The following UGT3A2 variants were observed in gnomAD, a reference collection of about 807,000 sequenced individuals.
UGT3A2 encodes the protein UDP glycosyltransferase family 3 member A2, also known as UDP-glycosyltransferase 3A2.
Under a neutral mutation model 39.8 loss-of-function variants are expected in UGT3A2, and 32 were observed. The observed-to-expected ratio is 0.80, with a 90% CI of 0.61 to 1.08. The LOEUF is 1.08. UGT3A2 is among the 50% of genes least tolerant of loss of function. The probability of loss-of-function intolerance (pLI) is 0.00; values close to 1 mark genes in which losing one functional copy is unlikely to be tolerated. For synonymous variants in UGT3A2, 241 were observed against 230.7 expected, an observed-to-expected ratio of 1.04 and a Z score of -0.40; for missense variants, 611 against 637.1, an observed-to-expected ratio of 0.96 and a Z score of 0.44.
intron 2 of UGT3A2, among the ~76,000 whole-genome samples, chr5:36,053,304 C>G (rs1742406293): frequency 6.6e-6 from 1 of 152,186 alleles, no homozygotes; most frequent in African/African-American, 2.4e-5. Context: ...AAGACCTCTC[C>G]ATCCCCAATA....
Position 36,037,818 on chromosome 5 carries a change from T to C in UGT3A2, c.1274A>G (p.Lys425Arg). The change falls in exon 6 of 7, where the codon AAA becomes AGA. Residue 425 changes from lysine to arginine, a missense_variant. Physicochemically the swap from Lys to Arg is conservative, Grantham distance 26 (BLOSUM62 2). Coordinates refer to ENST00000282507, the MANE Select transcript of UGT3A2 (RefSeq NM_174914.4). ...ATACCTCTTGTCTTCCATGATTTGT[T>C]TCATCTTAAGAGCCAATGTCTCTGC... ...LKAETLALKM[K>R]QIMEDKRYKS... 6.2e-7 allele frequency: 1 copy of C among 1,614,236 alleles called. No individual in the cohort carries two copies. Among genetic ancestry groups the C allele is most frequent in the East Asian group, 2.2e-5 (1 of 44,880 alleles).
At chr5:36,057,126 C>A (rs1287262) in intron 2 of UGT3A2, among the ~76,000 whole-genome samples, 1 of 152,118 alleles carries the variant, frequency 6.6e-6, no homozygotes, top group Non-Finnish European at 1.5e-5. Flanking sequence ...TAGTACATGT[C>A]AGTATTAGAA....
chr5:36,054,851 G>A lies in UGT3A2; in HGVS notation c.197-2867C>T, dbSNP rs150816125. ...TGCTTCACCTTCAGAGTTTTCCTTC[G>A]TTTTTCATGAATCGTTGCATGTGGT... On this transcript the variant is annotated intron_variant, in intron 2 of 6. Transcript: ENST00000282507. Among the ~76,000 whole-genome samples the A allele has an allele frequency of 4.6e-5, 7 of 152,222 alleles. 1 individual carries two copies. The highest frequency in any genetic ancestry group is 9.6e-5 in the African/African-American group (4 of 41,534).
intron 2 of UGT3A2, among the ~76,000 whole-genome samples, chr5:36,060,790 G>C (rs187785329): frequency 2.0e-5 from 3 of 152,290 alleles, no homozygotes; most frequent in Admixed American, 2.0e-4. Context: ...ACTTCACGAT[G>C]ATGAAAAACT....
At chr5:36,036,749 G>A (rs899542032) in intron 6 of UGT3A2, among the ~76,000 whole-genome samples, 1 of 152,226 alleles carries the variant, frequency 6.6e-6, no homozygotes, top group African/African-American at 2.4e-5. Context: ...CATGAGCTAC[G>A]TGGTTGTTTT....
At chr5:36,054,947 T>A (rs7448005) in intron 2 of UGT3A2, among the ~76,000 whole-genome samples, 2,156 of 152,200 alleles carry the variant, frequency 0.014, 64 homozygotes, top group East Asian at 0.11. Context: ...CTCCTTCCTG[T>A]CATATTCTCC....
At chr5:36,055,854 G>C (rs1410310920) in intron 2 of UGT3A2, among the ~76,000 whole-genome samples, 2 of 152,046 alleles carry the variant, frequency 1.3e-5, no homozygotes, top group Non-Finnish European at 2.9e-5. Flanking sequence ...CTTTTCACCA[G>C]GTCTGTGAGA....
chr5:36,048,011 A>G (rs2111725395), intron 4 of UGT3A2, among the ~76,000 whole-genome samples: 1 of 152,224 alleles, frequency 6.6e-6, no homozygotes, highest in South Asian at 2.1e-4. Flanking sequence ...CTTCCTGCTC[A>G]CTCAGTGCAA....
intron 4 of UGT3A2, among the ~76,000 whole-genome samples, chr5:36,045,113 A>G (rs1210312427): frequency 2.0e-5 from 3 of 152,222 alleles, no homozygotes; most frequent in African/African-American, 4.8e-5. Flanking sequence ...CCAAAACTGT[A>G]TGGTACTGGC....
intron 4 of UGT3A2, among the ~76,000 whole-genome samples, chr5:36,041,641 G>A (rs1045699195): frequency 1.3e-5 from 2 of 152,178 alleles, no homozygotes; most frequent in Non-Finnish European, 2.9e-5. Flanking sequence ...GACCACCAAG[G>A]TGGTACTTCT....
Position 36,037,829 on chromosome 5 carries a change from A to G in UGT3A2, c.1263T>C (p.Ala421=). ...CTTCCATGATTTGTTTCATCTTAAG[A>G]GCCAATGTCTCTGCCTTGAGCTTCT... ...QLKKLKAETL[A]LKMKQIMEDK... is the part of the protein sequence containing the mutation. The change falls in exon 6 of 7, where the codon GCT becomes GCC. Residue 421 remains alanine, a synonymous_variant. Coordinates refer to ENST00000282507, the MANE Select transcript of UGT3A2 (RefSeq NM_174914.4). The G allele has an allele frequency of 1.9e-6, 3 of 1,614,152 alleles. No individual in the cohort carries two copies. Among genetic ancestry groups the G allele is most frequent in the Non-Finnish European group, 2.5e-6 (3 of 1,180,018 alleles).
rs760033102 is a variant in UGT3A2 at position 36,064,358 on chromosome 5, C to A, written c.95-8G>T. On this transcript the variant is annotated splice_region_variant and splice_polypyrimidine_tract_variant and intron_variant, in intron 1 of 6. Coordinates refer to ENST00000282507, the MANE Select transcript of UGT3A2 (RefSeq NM_174914.4). Reference sequence around the variant, plus strand: ...GTAGATAATGGCTTCCACCTAGGAACAATGCACAACTTCAGTTCTGGAATG... The same window carrying A: ...GTAGATAATGGCTTCCACCTAGGAAAAATGCACAACTTCAGTTCTGGAATG... 106 of 1,608,740 alleles carry A rather than the reference C, an allele frequency of 6.6e-5. 1 individual carries two copies. Among genetic ancestry groups the A allele is most frequent in the Non-Finnish European group, 6.6e-5 (77 of 1,175,316 alleles).
intron 2 of UGT3A2, among the ~76,000 whole-genome samples, chr5:36,053,447 TA>T (rs1032660857): frequency 6.6e-6 from 1 of 152,214 alleles, no homozygotes; most frequent in African/African-American, 2.4e-5. Flanking sequence ...TCATGTTTAT[TA>T]CTTGAAAATC....
intron 4 of UGT3A2, among the ~76,000 whole-genome samples, chr5:36,043,501 ATAG>A (rs1160835213): frequency 6.6e-6 from 1 of 151,980 alleles, no homozygotes; most frequent in Non-Finnish European, 1.5e-5. Context: ...AAACCCAAAA[ATAG>A]TAGAAGAAAG....
intron 4 of UGT3A2, among the ~76,000 whole-genome samples, chr5:36,047,298 A>C (rs949770446): frequency 6.6e-6 from 1 of 152,238 alleles, no homozygotes; most frequent in Non-Finnish European, 1.5e-5. Context: ...GACCTCCTGA[A>C]GCTGTCATGG....
At chr5:36,064,196 C>A in intron 2 of UGT3A2, 53 bp downstream of exon 2, 1 of 1,505,530 alleles carries the variant, frequency 6.6e-7, no homozygotes. Context: ...ATGCAAACAG[C>A]ATTTTGCTCT....
intron 3 of UGT3A2, among the ~76,000 whole-genome samples, chr5:36,051,346 C>T (rs1742334732): frequency 6.6e-6 from 1 of 152,068 alleles, no homozygotes; most frequent in African/African-American, 2.4e-5. Flanking sequence ...AGGTTGATTG[C>T]TTTTTAAAAG....
intron 2 of UGT3A2, among the ~76,000 whole-genome samples, chr5:36,059,607 T>C (rs1269280637): frequency 1.3e-5 from 2 of 152,106 alleles, no homozygotes; most frequent in African/African-American, 4.8e-5. Flanking sequence ...TTCTCAGAGC[T>C]TGTCAAGATG....
intron 5 of UGT3A2, among the ~76,000 whole-genome samples, chr5:36,038,388 C>A (rs1561488725): frequency 6.6e-6 from 1 of 152,184 alleles, no homozygotes; most frequent in East Asian, 1.9e-4. Context: ...TTTCTACCTC[C>A]TCTGTCTGCC....
Sources: gnomAD v4.1 joint callset for allele counts (sites outside exome capture counted in the v4.1 genomes callset) on GRCh38, gnomAD v4.1.1 for gene constraint, MANE v1.5 for transcripts, NCBI Gene and HGNC (gene_info 2026-07-23, HGNC 2026-07-21) for gene names.